Variants in SLC26A7 observed in about 807,000 individuals in gnomAD.
SLC26A7 encodes the protein anion exchange transporter.
A neutral mutation model predicts 82.5 loss-of-function variants in SLC26A7; 59 were observed. The ratio of observed to expected loss-of-function variants is 0.72; its 90% CI spans 0.58 to 0.89. SLC26A7 has a LOEUF of 0.89. Ranked by LOEUF, SLC26A7 falls within the 40% of genes least tolerant of loss-of-function variation. SLC26A7 has a pLI of 0.00. For synonymous variants in SLC26A7, 271 were observed against 274.3 expected, an observed-to-expected ratio of 0.99 and a Z score of 0.12; for missense variants, 820 against 793.0, an observed-to-expected ratio of 1.03 and a Z score of -0.41.
chr8:91,265,900 G>A (rs1343656865), intron 2 of SLC26A7, among the ~76,000 whole-genome samples: 3 of 151,966 alleles, frequency 2.0e-5, no homozygotes, highest in Non-Finnish European at 4.4e-5. Flanking sequence ...TCTTCACTCT[G>A]TTGGTTGTTT....
chr8:91,306,290 T>G (rs1261653256), intron 4 of SLC26A7, among the ~76,000 whole-genome samples: 1 of 152,218 alleles, frequency 6.6e-6, no homozygotes. Context: ...TATTTCTCTC[T>G]TTTGTATGCG....
chr8:91,221,188 T>C (rs1810155162), intron 2 of SLC26A7, among the ~76,000 whole-genome samples: 1 of 152,248 alleles, frequency 6.6e-6, no homozygotes, highest in Non-Finnish European at 1.5e-5. Context: ...CATCTGTTCA[T>C]ATCCTTTGCC....
intron 2 of SLC26A7, among the ~76,000 whole-genome samples, chr8:91,258,745 G>T (rs1362834004): frequency 1.3e-5 from 2 of 152,110 alleles, no homozygotes; most frequent in African/African-American, 2.4e-5. Context: ...GCATAAGGCA[G>T]AAGGAGTGTT....
intron 5 of SLC26A7, among the ~76,000 whole-genome samples, chr8:91,326,414 C>T (rs922908398): frequency 3.3e-5 from 5 of 152,186 alleles, no homozygotes; most frequent in African/African-American, 9.6e-5. Context: ...AAACGGCCTC[C>T]CTCTTGCTGC....
intron 15 of SLC26A7, among the ~76,000 whole-genome samples, chr8:91,387,109 G>A (rs1814821991): frequency 1.3e-5 from 2 of 151,878 alleles, no homozygotes; most frequent in Admixed American, 1.3e-4. Flanking sequence ...AAATTTAATA[G>A]AACATTTCCA....
intron 4 of SLC26A7, among the ~76,000 whole-genome samples, chr8:91,303,525 G>A (rs1379240669): frequency 6.6e-6 from 1 of 152,092 alleles, no homozygotes; most frequent in African/African-American, 2.4e-5. Flanking sequence ...CCATTGTAGT[G>A]GTTTGAGTAT....
intron 2 of SLC26A7, among the ~76,000 whole-genome samples, chr8:91,234,535 T>A (rs184984052): frequency 1.3e-5 from 2 of 152,168 alleles, no homozygotes; most frequent in East Asian, 3.9e-4. Context: ...AAGACACCTG[T>A]CTTTGCCTTC....
At chr8:91,268,880 A>C (rs1811187316) in intron 2 of SLC26A7, among the ~76,000 whole-genome samples, 1 of 151,556 alleles carries the variant, frequency 6.6e-6, no homozygotes, top group Admixed American at 6.6e-5. Flanking sequence ...TGAGGCTTAC[A>C]AAAATTTTTA....
chr8:91,388,139 G>T (rs1814848043), intron 15 of SLC26A7, among the ~76,000 whole-genome samples: 1 of 151,670 alleles, frequency 6.6e-6, no homozygotes, highest in Admixed American at 6.6e-5. Flanking sequence ...CAGGATTTTT[G>T]TTTTTTTTAG....
intron 2 of SLC26A7, among the ~76,000 whole-genome samples, chr8:91,272,684 A>C (rs1811304087): frequency 6.6e-6 from 1 of 152,200 alleles, no homozygotes; most frequent in South Asian, 2.1e-4. Flanking sequence ...GTGAGAATTG[A>C]AACTGGAGAA....
intron 11 of SLC26A7, among the ~76,000 whole-genome samples, chr8:91,356,751 A>G (rs1250524589): frequency 6.6e-6 from 1 of 151,954 alleles, no homozygotes; most frequent in Admixed American, 6.6e-5. Context: ...CCATTTGTCA[A>G]TTTTGGCTTT....
intron 11 of SLC26A7, among the ~76,000 whole-genome samples, chr8:91,357,091 C>G (rs975269860): frequency 2.8e-4 from 43 of 152,178 alleles, no homozygotes; most frequent in Non-Finnish European, 4.0e-4. Flanking sequence ...GCCTTTCACT[C>G]TACAGTCATC....
intron 15 of SLC26A7, among the ~76,000 whole-genome samples, chr8:91,372,131 T>C (rs894098650): frequency 6.6e-6 from 1 of 152,006 alleles, no homozygotes; most frequent in African/African-American, 2.4e-5. Flanking sequence ...TTCTAAATAT[T>C]AGTCCTTTGT....
At chr8:91,376,996 C>A (rs1273160162) in intron 15 of SLC26A7, among the ~76,000 whole-genome samples, 1 of 152,136 alleles carries the variant, frequency 6.6e-6, no homozygotes, top group East Asian at 1.9e-4. Flanking sequence ...CCACTAAAAC[C>A]AACTCAGGGC....
intron 8 of SLC26A7, among the ~76,000 whole-genome samples, chr8:91,342,108 T>C (rs1217871864): frequency 6.6e-6 from 1 of 151,788 alleles, no homozygotes; most frequent in Non-Finnish European, 1.5e-5. Flanking sequence ...TTTTTTTCAT[T>C]TTTTAAACAT....
chr8:91,231,693 G>GA (rs1478605350), intron 2 of SLC26A7, among the ~76,000 whole-genome samples: 2 of 151,628 alleles, frequency 1.3e-5, no homozygotes, highest in African/African-American at 4.8e-5. Flanking sequence ...AAAACTGTAA[G>GA]AAAAAAAATG....
rs1812451722 is a variant in SLC26A7, at chr8:91,310,540, T to A, written c.478-7676T>A. Among the ~76,000 whole-genome samples, 3 of 152,020 alleles carry A rather than the reference T, an allele frequency of 2.0e-5. No homozygotes were observed. In the South Asian group the frequency reaches 6.2e-4, roughly 31 times the overall value. ...AATCAGGTTACTAGATTTAGAAGAA[T>A]GTTAAAACGAAATAAGGGGGTGAGG... is the stretch of plus-strand genomic sequence containing the variant. On this transcript the variant is annotated intron_variant, in intron 4 of 18. Coordinates refer to ENST00000276609, the MANE Select transcript of SLC26A7 (RefSeq NM_052832.4).
intron 2 of SLC26A7, among the ~76,000 whole-genome samples, chr8:91,219,477 G>A (rs894950603): frequency 6.6e-6 from 1 of 152,036 alleles, no homozygotes; most frequent in Admixed American, 6.6e-5. Context: ...GGAAACTCAG[G>A]TTTGATAACC....
At chr8:91,271,637 C>T (rs996581673) in intron 2 of SLC26A7, among the ~76,000 whole-genome samples, 3 of 148,794 alleles carry the variant, frequency 2.0e-5, no homozygotes, top group Admixed American at 6.7e-5. Flanking sequence ...CTCTGTCGCC[C>T]AGGCTGGAAT....
Sources: allele counts gnomAD v4.1 joint callset (sites outside exome capture counted in the v4.1 genomes callset), GRCh38; gene constraint gnomAD v4.1.1; transcripts MANE v1.5; gene names NCBI Gene and HGNC (gene_info 2026-07-23, HGNC 2026-07-21).